Variants in CSMD1 observed in about 807,000 individuals in gnomAD.
CSMD1 encodes CUB and sushi domain-containing protein 1.
Under a neutral mutation model 417.5 loss-of-function variants are expected in CSMD1, and 213 were observed. The ratio of observed to expected loss-of-function variants is 0.51; its 90% CI spans 0.46 to 0.57. The LOEUF (loss-of-function observed/expected upper bound fraction) is 0.57. Among genes scored for constraint, CSMD1 ranks in the 20% least tolerant of loss-of-function variants. The pLI, the probability that CSMD1 is intolerant of heterozygous loss-of-function variation, is 0.00. For missense variants in CSMD1, 6,923 were observed against 4,529.7 expected (o/e 1.53, Z -15.17); for synonymous variants, 2,862 against 1,736.8 (o/e 1.65, Z -16.11).
chr8:4,171,206 G>C (rs1465866598), intron 3 of CSMD1, among the ~76,000 whole-genome samples: 1 of 151,800 alleles, frequency 6.6e-6, no homozygotes, highest in East Asian at 1.9e-4. Flanking sequence ...AGACCTGTGT[G>C]AAACCTACCC....
At chr8:4,498,912 A>G (rs1368460286) in intron 2 of CSMD1, among the ~76,000 whole-genome samples, 1 of 152,214 alleles carries the variant, frequency 6.6e-6, no homozygotes, top group East Asian at 1.9e-4. Flanking sequence ...GATTTAGATC[A>G]CAGGGCTCAA....
At chr8:3,552,358 A>G (rs1018222690) in intron 10 of CSMD1, among the ~76,000 whole-genome samples, 2 of 152,200 alleles carry the variant, frequency 1.3e-5, no homozygotes, top group African/African-American at 4.8e-5. Context: ...TAAATTAAAG[A>G]AAACTAAATC....
At chr8:4,975,752 A>T (rs1415260033) in intron 1 of CSMD1, among the ~76,000 whole-genome samples, 1 of 152,332 alleles carries the variant, frequency 6.6e-6, no homozygotes, top group East Asian at 1.9e-4. Context: ...GACACGGCCA[A>T]CTGTTTCCAT....
At chr8:4,903,841 C>A (rs1805060048) in intron 1 of CSMD1, among the ~76,000 whole-genome samples, 1 of 152,174 alleles carries the variant, frequency 6.6e-6, no homozygotes, top group African/African-American at 2.4e-5. Flanking sequence ...AGAAGTACTT[C>A]CCATCCCTTG....
chr8:3,960,349 C>G (rs999885869), intron 5 of CSMD1, among the ~76,000 whole-genome samples: 3 of 152,148 alleles, frequency 2.0e-5, no homozygotes, highest in Non-Finnish European at 4.4e-5. Context: ...AATTGACACC[C>G]TTTCCTCATC....
At chr8:4,747,053 A>G (rs952040055) in intron 1 of CSMD1, among the ~76,000 whole-genome samples, 4 of 152,284 alleles carry the variant, frequency 2.6e-5, no homozygotes, top group Admixed American at 2.0e-4. Flanking sequence ...CCCCACCAGA[A>G]TGGATCACCA....
Position 3,405,786 on chromosome 8 carries a change from C to T in CSMD1, c.2266+241G>A, listed in dbSNP as rs550814319. Among the ~76,000 whole-genome samples, 23 of 152,274 alleles carry T rather than the reference C, an allele frequency of 1.5e-4. No individual in the cohort carries two copies. In the South Asian group the frequency reaches 2.7e-3, roughly 18 times the overall value. On this transcript the variant is annotated intron_variant, in intron 15 of 69. Transcript: ENST00000635120. ...CAAACACCGCCAGGAGCTGGAGGACCAGCCTGAGGCAGATCCTCCCTCAGA... is the reference window on the plus strand; with the variant it reads ...CAAACACCGCCAGGAGCTGGAGGACTAGCCTGAGGCAGATCCTCCCTCAGA...
At chr8:4,656,333 G>A (rs1053486415) in intron 1 of CSMD1, among the ~76,000 whole-genome samples, 1 of 152,028 alleles carries the variant, frequency 6.6e-6, no homozygotes, top group Non-Finnish European at 1.5e-5. Flanking sequence ...TCAGGGTAGA[G>A]AAGGTCAGAC....
chr8:4,199,064 A>G, intron 3 of CSMD1, among the ~76,000 whole-genome samples: 1 of 151,734 alleles, frequency 6.6e-6, no homozygotes, highest in Non-Finnish European at 1.5e-5. Flanking sequence ...GTCTGGCAAA[A>G]CCCCTGAGGT....
chr8:3,035,153 A>T (rs886443389), intron 50 of CSMD1, among the ~76,000 whole-genome samples: 9 of 152,220 alleles, frequency 5.9e-5, no homozygotes, highest in African/African-American at 2.2e-4. Flanking sequence ...TATCTTAGCT[A>T]GATCTCTCCT....
intron 3 of CSMD1, among the ~76,000 whole-genome samples, chr8:4,260,085 A>C (rs182456474): frequency 6.6e-6 from 1 of 151,974 alleles, no homozygotes; most frequent in Admixed American, 6.6e-5. Context: ...ACAAACATCC[A>C]TTTTACTAGA....
At chr8:3,599,024 T>C (rs1359929436) in intron 8 of CSMD1, among the ~76,000 whole-genome samples, 2 of 152,012 alleles carry the variant, frequency 1.3e-5, no homozygotes, top group African/African-American at 4.8e-5. Flanking sequence ...GGGGTTGCAG[T>C]GAGCAGAGCT....
intron 3 of CSMD1, among the ~76,000 whole-genome samples, chr8:4,403,199 CTCA>C (rs1322523269): frequency 1.3e-5 from 2 of 152,162 alleles, no homozygotes; most frequent in East Asian, 3.9e-4. Flanking sequence ...AAAGATATTA[CTCA>C]ACCAATTTTC....
intron 7 of CSMD1, among the ~76,000 whole-genome samples, chr8:3,697,491 T>C (rs17398197): frequency 0.027 from 4,055 of 152,322 alleles, 79 homozygotes; most frequent in Non-Finnish European, 0.04. Flanking sequence ...AATGGAATTC[T>C]TTAATTGATA....
intron 3 of CSMD1, among the ~76,000 whole-genome samples, chr8:4,404,375 G>C (rs980681652): frequency 6.6e-6 from 1 of 152,076 alleles, no homozygotes; most frequent in Non-Finnish European, 1.5e-5. Flanking sequence ...GTGCTGTTTT[G>C]TTCAACGCTG....
At chr8:3,760,556 G>C (rs1463357473) in intron 5 of CSMD1, among the ~76,000 whole-genome samples, 1 of 152,138 alleles carries the variant, frequency 6.6e-6, no homozygotes, top group African/African-American at 2.4e-5. Context: ...TGGGATATAA[G>C]GGCTGAACAC....
intron 3 of CSMD1, among the ~76,000 whole-genome samples, chr8:4,324,351 G>A (rs539166573): frequency 1.3e-5 from 2 of 152,300 alleles, no homozygotes; most frequent in Non-Finnish European, 2.9e-5. Flanking sequence ...TCCTGTAGTA[G>A]CAGCCATTCC....
intron 1 of CSMD1, among the ~76,000 whole-genome samples, chr8:4,718,899 A>G (rs1407477044): frequency 3.3e-5 from 5 of 152,170 alleles, no homozygotes; most frequent in African/African-American, 1.2e-4. Flanking sequence ...TTTGAACTCT[A>G]TGACATTGTA....
chr8:3,580,566 C>T (rs1272050150), intron 9 of CSMD1, among the ~76,000 whole-genome samples: 1 of 152,030 alleles, frequency 6.6e-6, no homozygotes, highest in Non-Finnish European at 1.5e-5. Context: ...ATATTATTGC[C>T]AATAACTTAG....
Sources: gnomAD v4.1 joint callset for allele counts (sites outside exome capture counted in the v4.1 genomes callset) on GRCh38, gnomAD v4.1.1 for gene constraint, MANE v1.5 for transcripts, NCBI Gene and HGNC (gene_info 2026-07-23, HGNC 2026-07-21) for gene names.